Variants in CADM2 observed in about 807,000 individuals in gnomAD.
The protein encoded by CADM2 is cell adhesion molecule 2.
CADM2 carries 12 observed loss-of-function variants against 49.8 expected under a neutral mutation model. The observed-to-expected ratio is 0.24, with a 90% CI of 0.15 to 0.39. CADM2 has a LOEUF of 0.39. Ranked by LOEUF, CADM2 falls within the 10% of genes least tolerant of loss-of-function variation. The probability of loss-of-function intolerance (pLI) is 1.00; values close to 1 mark genes in which losing one functional copy is unlikely to be tolerated. For missense variants in CADM2, 378 were observed against 492.3 expected (o/e 0.77, Z 2.20); for synonymous variants, 214 against 175.4 (o/e 1.22, Z -1.74).
intron 5 of CADM2, among the ~76,000 whole-genome samples, chr3:85,908,673 ATCCCTCTAATTACTC>A (rs1244184223): frequency 6.6e-6 from 1 of 151,818 alleles, no homozygotes; most frequent in Non-Finnish European, 1.5e-5. Flanking sequence ...TGTTTCATCT[ATCCCTCTAATTACTC>A]TCCACTCAAT....
intron 3 of CADM2, among the ~76,000 whole-genome samples, chr3:85,865,269 C>CGGAACAA (rs1374333182): frequency 6.6e-6 from 1 of 152,170 alleles, no homozygotes; most frequent in Non-Finnish European, 1.5e-5. Context: ...TTCACTCCCT[C>CGGAACAA]GGAACAAACT....
intron 1 of CADM2, among the ~76,000 whole-genome samples, chr3:85,446,519 A>G (rs1489394548): frequency 6.6e-6 from 1 of 152,078 alleles, no homozygotes; most frequent in East Asian, 1.9e-4. Context: ...TTCTTGTTTG[A>G]AAAATAATTA....
At chr3:85,143,909 G>A (rs115512537) in intron 1 of CADM2, among the ~76,000 whole-genome samples, 164 of 152,194 alleles carry the variant, frequency 1.1e-3, no homozygotes, top group African/African-American at 3.8e-3. Flanking sequence ...TCCTTTGAGT[G>A]GTCCTTGAGG....
chr3:85,191,049 G>A lies in CADM2; in HGVS notation c.61+231381G>A, dbSNP rs545261515. Among the ~76,000 whole-genome samples the A allele has an allele frequency of 3.9e-5, 6 of 152,052 alleles. No individual in the cohort carries two copies. In the South Asian group the frequency reaches 1.0e-3, roughly 26 times the overall value. Reference sequence around the variant, plus strand: ...TGTAGTTCATTTTGCTTTGTAATTAGCATAGATGAATGATATTCTGTTGGC... The same window carrying A: ...TGTAGTTCATTTTGCTTTGTAATTAACATAGATGAATGATATTCTGTTGGC... On this transcript the variant is annotated intron_variant, in intron 1 of 9. Coordinates refer to ENST00000383699, the MANE Select transcript of CADM2 (RefSeq NM_001167675.2).
intron 2 of CADM2, among the ~76,000 whole-genome samples, chr3:85,762,607 C>CTT (rs1345169063): frequency 8.0e-6 from 1 of 124,230 alleles, no homozygotes; most frequent in African/African-American, 3.6e-5. Flanking sequence ...CTCTCTCTCT[C>CTT]TCTCTCTCTC....
chr3:85,566,355 T>C (rs773984717), intron 1 of CADM2, among the ~76,000 whole-genome samples: 1 of 152,080 alleles, frequency 6.6e-6, no homozygotes, highest in African/African-American at 2.4e-5. Flanking sequence ...TAGTAACTGA[T>C]ACTGGGTGGA....
chr3:85,946,618 A>G (rs866290436), intron 7 of CADM2, among the ~76,000 whole-genome samples: 6 of 152,246 alleles, frequency 3.9e-5, no homozygotes, highest in Middle Eastern at 3.4e-3. Context: ...ATGGAACAGA[A>G]CAGAGCCCTC....
intron 1 of CADM2, among the ~76,000 whole-genome samples, chr3:85,149,954 T>G (rs1214870009): frequency 6.6e-6 from 1 of 152,222 alleles, no homozygotes; most frequent in Non-Finnish European, 1.5e-5. Context: ...CAATGGATAT[T>G]GGTAGGTTGA....
intron 3 of CADM2, among the ~76,000 whole-genome samples, chr3:85,868,055 C>A (rs1449401165): frequency 6.6e-6 from 1 of 151,904 alleles, no homozygotes; most frequent in East Asian, 1.9e-4. Context: ...TTTATATCTT[C>A]TCAGTGTAAC....
chr3:85,069,291 C>A (rs561711637), intron 1 of CADM2, among the ~76,000 whole-genome samples: 1 of 152,080 alleles, frequency 6.6e-6, no homozygotes, highest in Non-Finnish European at 1.5e-5. Context: ...GACTTGGCTA[C>A]AATTTTGAGA....
rs1389252421 is a variant in CADM2 at position 85,144,239 on chromosome 3, A to ACG, written c.61+184572_61+184573insGC. Among the ~76,000 whole-genome samples the ACG allele has an allele frequency of 1.6e-4, 8 of 50,546 alleles. No individual in the cohort carries two copies. In the Admixed American group the frequency reaches 1.8e-3, roughly 11 times the overall value. 33.2% of individuals were successfully genotyped at this position (50,546 alleles called of 152,430 possible). On this transcript the variant is annotated intron_variant, in intron 1 of 9. Coordinates refer to ENST00000383699, the MANE Select transcript of CADM2 (RefSeq NM_001167675.2). ...TTATCACCATCTAAAGTATTTTGTT[A>ACG]CACACGCACACACACACACACACAC...
intron 1 of CADM2, among the ~76,000 whole-genome samples, chr3:84,984,626 C>G (rs2032441323): frequency 6.6e-6 from 1 of 151,762 alleles, no homozygotes; most frequent in Non-Finnish European, 1.5e-5. Context: ...GGTCAGGTTA[C>G]TTTTCCCTTC....
chr3:85,572,925 A>G (rs760100181), intron 1 of CADM2, among the ~76,000 whole-genome samples: 23 of 152,270 alleles, frequency 1.5e-4, no homozygotes, highest in Non-Finnish European at 3.4e-4. Context: ...GTAATACTTT[A>G]CTAGCTTTCT....
chr3:85,942,589 T>G (rs1318054120), intron 7 of CADM2, among the ~76,000 whole-genome samples: 3 of 150,986 alleles, frequency 2.0e-5, no homozygotes, highest in East Asian at 2.0e-4. Flanking sequence ...GCGGTGTATG[T>G]TTTTTTGTTC....
At chr3:85,577,179 A>G (rs879825110) in intron 1 of CADM2, among the ~76,000 whole-genome samples, 1 of 152,122 alleles carries the variant, frequency 6.6e-6, no homozygotes, top group Non-Finnish European at 1.5e-5. Flanking sequence ...TTCATAAATT[A>G]CTTTCAACTT....
At chr3:85,829,371 A>G (rs1373660481) in intron 3 of CADM2, among the ~76,000 whole-genome samples, 2 of 151,910 alleles carry the variant, frequency 1.3e-5, no homozygotes, top group African/African-American at 4.8e-5. Flanking sequence ...TATGATGTGT[A>G]ATGATCAAAT....
At chr3:85,530,692 A>G (rs766816678) in intron 1 of CADM2, among the ~76,000 whole-genome samples, 5 of 152,076 alleles carry the variant, frequency 3.3e-5, no homozygotes, top group African/African-American at 4.8e-5. Context: ...GAATGGATTA[A>G]TACAGATAGG....
intron 1 of CADM2, among the ~76,000 whole-genome samples, chr3:84,975,909 A>G (rs1012368707): frequency 6.6e-6 from 1 of 151,820 alleles, no homozygotes. Flanking sequence ...TGAAAATCAA[A>G]AGTATTATAA....
chr3:86,023,574 T>C (rs952118984), intron 8 of CADM2, among the ~76,000 whole-genome samples: 3 of 152,018 alleles, frequency 2.0e-5, no homozygotes, highest in Admixed American at 6.6e-5. Context: ...GTGAGGTTGG[T>C]CTCAAACTCC....
Sources: allele counts gnomAD v4.1 joint callset (sites outside exome capture counted in the v4.1 genomes callset), GRCh38; gene constraint gnomAD v4.1.1; transcripts MANE v1.5; gene names NCBI Gene and HGNC (gene_info 2026-07-23, HGNC 2026-07-21).